The following TPX2 variants were observed in gnomAD, a reference collection of about 807,000 sequenced individuals.
The protein encoded by TPX2 is targeting protein for Xklp2.
A neutral mutation model predicts 93.6 loss-of-function variants in TPX2; 21 were observed. The observed-to-expected ratio is 0.22, with a 90% CI of 0.16 to 0.32. The LOEUF (loss-of-function observed/expected upper bound fraction) is 0.32. Among genes scored for constraint, TPX2 ranks in the 10% least tolerant of loss-of-function variants. The pLI, the probability that TPX2 is intolerant of heterozygous loss-of-function variation, is 1.00. For synonymous variants in TPX2, 281 were observed against 298.3 expected (o/e 0.94, Z 0.60); for missense variants, 776 against 871.1 (o/e 0.89, Z 1.37).
intron 12 of TPX2, among the ~76,000 whole-genome samples, chr20:31,786,336 A>AC (rs1317659990): frequency 6.6e-6 from 1 of 151,694 alleles, no homozygotes; most frequent in East Asian, 1.9e-4. Flanking sequence ...TAAAAAAAAA[A>AC]AAAACAACAG....
At chr20:31,797,557 C>A in intron 16 of TPX2, 42 bp downstream of exon 16, 1 of 1,546,432 alleles carries the variant, frequency 6.5e-7, no homozygotes, top group South Asian at 1.1e-5. Context: ...GCAGAATTGT[C>A]AGACTTCCCA....
chr20:31,788,164 C>T (rs1239604507), intron 12 of TPX2, among the ~76,000 whole-genome samples: 1 of 152,068 alleles, frequency 6.6e-6, no homozygotes, highest in Non-Finnish European at 1.5e-5. Flanking sequence ...CGCCTGTAAT[C>T]CCAACACTTT....
At chr20:31,785,620 C>G (rs560190739) in intron 12 of TPX2, among the ~76,000 whole-genome samples, 1 of 152,136 alleles carries the variant, frequency 6.6e-6, no homozygotes, top group South Asian at 2.1e-4. Context: ...ACCTTAGCCT[C>G]CCGAGTAGTT....
At chr20:31,782,537 A>G in intron 11 of TPX2, 147 bp downstream of exon 11, 7 of 1,036,612 alleles carry the variant, frequency 6.8e-6, no homozygotes, top group Non-Finnish European at 8.1e-6. Context: ...GCCCCTGCCT[A>G]TATGATTTAA....
At chr20:31,773,143 ATTTTTTT>A (rs769516478) in intron 7 of TPX2, among the ~76,000 whole-genome samples, 10 of 102,356 alleles carry the variant, frequency 9.8e-5, no homozygotes, top group Admixed American at 2.2e-4. Context: ...CACCCGGCTA[ATTTTTTT>A]TTTTTTTTTT....
chr20:31,754,794 A>G (rs868209666), intron 2 of TPX2, among the ~76,000 whole-genome samples: 120 of 152,308 alleles, frequency 7.9e-4, no homozygotes, highest in African/African-American at 2.8e-3. Flanking sequence ...TGGAACAGAT[A>G]CAGCCATTAA....
chr20:31,743,391 GA>G (rs1442912428), intron 2 of TPX2, among the ~76,000 whole-genome samples: 1 of 151,944 alleles, frequency 6.6e-6, no homozygotes, highest in Non-Finnish European at 1.5e-5. Context: ...ATAATGACAA[GA>G]AAAAAAGTCT....
chr20:31,796,033 T>G (rs1464253781), intron 15 of TPX2, among the ~76,000 whole-genome samples: 1 of 152,216 alleles, frequency 6.6e-6, no homozygotes, highest in African/African-American at 2.4e-5. Context: ...TTAGGACTGT[T>G]GCCTTGGAAA....
chr20:31,801,202 C>A lies in TPX2; in HGVS notation c.*122C>A. On this transcript the variant is annotated 3_prime_UTR_variant, in exon 18 of 18. Transcript: ENST00000300403. ...CCATTTCTCCAGACTTTTACCTACC[C>A]GTGCCTGAGAAAGCATACTTGACAA... 1 of 789,182 alleles carries A rather than the reference C, an allele frequency of 1.3e-6. No homozygotes were observed. The highest frequency in any genetic ancestry group is 2.6e-5 in the East Asian group (1 of 38,350). 48.9% of individuals were successfully genotyped at this position (789,182 alleles called of 1,614,324 possible).
chr20:31,777,426 G>A, intron 8 of TPX2, 61 bp from the exon 9 acceptor site: 5 of 1,560,304 alleles, frequency 3.2e-6, no homozygotes, highest in Non-Finnish European at 4.4e-6. Flanking sequence ...GGAGTAAAGG[G>A]GATTTACTGG....
In TPX2 at chr20:31,779,069, C is replaced by G. The variant is rs2062018891; in HGVS notation, c.1054+85C>G. On this transcript the variant is annotated intron_variant, in intron 10 of 17. Transcript: ENST00000300403. Reference sequence around the variant, plus strand: ...ATCTTAGGCACAGATTTGTCTTTAGCTGAAATCCTAGTTTTTCAATTAAAG... The same window carrying G: ...ATCTTAGGCACAGATTTGTCTTTAGGTGAAATCCTAGTTTTTCAATTAAAG... The G allele has an allele frequency of 3.6e-6, 5 of 1,397,016 alleles. No homozygotes were observed. The East Asian group carries it at 1.2e-4, about 34-fold the overall frequency. 86.5% of individuals were successfully genotyped at this position (1,397,016 alleles called of 1,614,324 possible).
rs370791068 is a variant in TPX2, at chr20:31,794,440, C to T, written c.1725C>T (p.Asp575=). The T allele has an allele frequency of 1.9e-6, 3 of 1,613,972 alleles. No homozygotes were observed. In the Admixed American group the frequency reaches 5.0e-5, roughly 27 times the overall value. ...KFKALPLPHF[D]TINLPEKKVK... is the part of the protein sequence containing the mutation. ...AGGCACTTCCCTTGCCTCATTTTGA[C>T]ACCATTAACCTGCCAGAGAAGAAGG... The change falls in exon 15 of 18, where the codon GAC becomes GAT. Residue 575 remains aspartate (D), a synonymous_variant. Coordinates refer to ENST00000300403, the MANE Select transcript of TPX2 (RefSeq NM_012112.5).
At chr20:31,740,373 A>G (rs1437005644) in intron 1 of TPX2, among the ~76,000 whole-genome samples, 1 of 152,162 alleles carries the variant, frequency 6.6e-6, no homozygotes, top group East Asian at 1.9e-4. Context: ...ATGTTGTCAA[A>G]AATAGGACTA....
chr20:31,766,796 T>C (rs1479451954), intron 5 of TPX2, 114 bp downstream of exon 5: 7 of 104,264 alleles, frequency 6.7e-5, no homozygotes, highest in African/African-American at 5.5e-4. Context: ...TTTATGTTAC[T>C]TTTTTTTTTT....
chr20:31,794,671 A>G, intron 15 of TPX2, 123 bp downstream of exon 15: 1 of 1,247,464 alleles, frequency 8.0e-7, no homozygotes. Context: ...CTCACTGTAA[A>G]TCAGGGGTCA....
At chr20:31,760,028 C>G in intron 3 of TPX2, 29 bp from the exon 4 acceptor site, 3 of 1,608,570 alleles carry the variant, frequency 1.9e-6, no homozygotes, top group Non-Finnish European at 2.5e-6. Context: ...CCTTGCTGAT[C>G]AGACAATGAT....
In TPX2 at chr20:31,788,889, A is replaced by G. The variant is rs147272821; in HGVS notation, c.1414-3846A>G. The stretch of plus-strand genomic sequence containing the variant: ...CAGCAGGCTTTTTTAAAATATATAT[A>G]CTTCCCAAAATAACATTGCTTCAGA... On this transcript the variant is annotated intron_variant, in intron 12 of 17. Coordinates refer to ENST00000300403, the MANE Select transcript of TPX2 (RefSeq NM_012112.5). Among the ~76,000 whole-genome samples, 48 of 152,164 alleles carry G rather than the reference A, an allele frequency of 3.2e-4. No individual in the cohort carries two copies. In the East Asian group the frequency reaches 6.8e-3, roughly 21 times the overall value.
chr20:31,758,010 A>T (rs574422068), intron 3 of TPX2, among the ~76,000 whole-genome samples: 48 of 152,140 alleles, frequency 3.2e-4, no homozygotes, highest in Admixed American at 6.5e-4. Flanking sequence ...TTGTATGTGT[A>T]TTAAGTTCTC....
chr20:31,771,723 A>T (rs1281231424), intron 7 of TPX2, 41 bp downstream of exon 7: 4 of 1,582,288 alleles, frequency 2.5e-6, no homozygotes, highest in Non-Finnish European at 3.4e-6. Context: ...AATGAATGGT[A>T]TAAAATTACA....
Sources: gnomAD v4.1 joint callset for allele counts (sites outside exome capture counted in the v4.1 genomes callset) on GRCh38, gnomAD v4.1.1 for gene constraint, MANE v1.5 for transcripts, NCBI Gene and HGNC (gene_info 2026-07-23, HGNC 2026-07-21) for gene names.